Variants in SYNE1 observed in about 807,000 individuals in gnomAD.
SYNE1 encodes the protein spectrin repeat containing nuclear envelope protein 1.
Under a neutral mutation model 1,111.0 loss-of-function variants are expected in SYNE1, and 616 were observed. The observed-to-expected ratio is 0.55, with a 90% CI of 0.52 to 0.59. SYNE1 has a LOEUF of 0.59. Among genes scored for constraint, SYNE1 ranks in the 20% least tolerant of loss-of-function variants. SYNE1 has a pLI of 0.00. For synonymous variants in SYNE1, 3,855 were observed against 3,825.8 expected (o/e 1.01, Z -0.28); for missense variants, 10,006 against 10,417.0 (o/e 0.96, Z 1.72).
intron 120 of SYNE1, 96 bp downstream of exon 120, chr6:152,218,907 G>T (rs533724474): frequency 1.6e-6 from 2 of 1,264,602 alleles, no homozygotes; most frequent in African/African-American, 1.5e-5. Flanking sequence ...CTTGAAGGAG[G>T]CATTGTTGCC....
intron 86 of SYNE1, among the ~76,000 whole-genome samples, chr6:152,317,714 G>T (rs1398679228): frequency 6.6e-6 from 1 of 152,066 alleles, no homozygotes. Context: ...TTAAGTCAAC[G>T]TAAGCTGATA....
At chr6:152,176,283 T>C in intron 130 of SYNE1, 111 bp downstream of exon 130, 2 of 1,477,738 alleles carry the variant, frequency 1.4e-6, no homozygotes, top group Non-Finnish European at 9.4e-7. Flanking sequence ...AATGGTGAGA[T>C]AACCCAGGAA....
chr6:152,424,904 A>T (rs1474415765), intron 39 of SYNE1, among the ~76,000 whole-genome samples: 2 of 152,340 alleles, frequency 1.3e-5, no homozygotes, highest in East Asian at 3.9e-4. Flanking sequence ...TATAGATGCC[A>T]ATTGTTAATC....
chr6:152,165,018 T>C (rs930433131), intron 130 of SYNE1, among the ~76,000 whole-genome samples: 18 of 152,172 alleles, frequency 1.2e-4, no homozygotes, highest in African/African-American at 4.3e-4. Context: ...GGATCTGCAA[T>C]AGAATGTTCT....
At chr6:152,212,187 A>G (rs1291350433) in intron 123 of SYNE1, among the ~76,000 whole-genome samples, 1 of 152,150 alleles carries the variant, frequency 6.6e-6, no homozygotes, top group Non-Finnish European at 1.5e-5. Context: ...GGTGTTTATT[A>G]TATTTACAGA....
intron 42 of SYNE1, among the ~76,000 whole-genome samples, chr6:152,410,603 C>T (rs982396225): frequency 3.3e-5 from 5 of 152,036 alleles, no homozygotes; most frequent in African/African-American, 1.2e-4. Context: ...GGCTTGGTGG[C>T]GCATGCCTGT....
chr6:152,369,976 C>T (rs1316205306), intron 59 of SYNE1, among the ~76,000 whole-genome samples: 1 of 69,816 alleles, frequency 1.4e-5, no homozygotes, highest in Admixed American at 2.3e-4. Flanking sequence ...GAGGGTGACT[C>T]TGTCTCAAAA....
intron 36 of SYNE1, 65 bp downstream of exon 36, chr6:152,430,047 T>C: frequency 8.6e-7 from 1 of 1,162,712 alleles, no homozygotes; most frequent in Non-Finnish European, 1.3e-6. Context: ...CTGTATTTTC[T>C]TTTCAAGTGG....
In SYNE1 at chr6:152,596,098, TAAAAAAAAAAAAA is replaced by T. The variant is rs71017542; in HGVS notation, c.67+32154_67+32166del. Reference sequence around the variant, plus strand: ...AGTGTGCCTGGCAAAAAGGGCAATCTAAAAAAAAAAAAAAAAAAAAAAAAAAAAAGCCTCTTGT... The same window carrying T: ...AGTGTGCCTGGCAAAAAGGGCAATCTAAAAAAAAAAAAAAAAGCCTCTTGT... On this transcript the variant is annotated intron_variant, in intron 3 of 145. Transcript: ENST00000367255. Among the ~76,000 whole-genome samples the T allele has an allele frequency of 1.5e-3, 27 of 18,584 alleles. 1 individual carries two copies. The East Asian group carries it at 0.037, about 25-fold the overall frequency. 12.2% of individuals were successfully genotyped at this position (18,584 alleles called of 152,430 possible).
intron 45 of SYNE1, among the ~76,000 whole-genome samples, chr6:152,406,509 T>G (rs1338099572): frequency 2.6e-5 from 4 of 151,784 alleles, no homozygotes; most frequent in Non-Finnish European, 4.4e-5. Context: ...CTTTTATTCA[T>G]AACCTGTTCA....
chr6:152,519,581 C>T (rs1216405089), intron 6 of SYNE1, among the ~76,000 whole-genome samples: 1 of 152,080 alleles, frequency 6.6e-6, no homozygotes, highest in Non-Finnish European at 1.5e-5. Flanking sequence ...TGGGGGAGGA[C>T]ATCTTTTTCT....
chr6:152,370,670 GTTATTTATGTT>G (rs925859871), intron 59 of SYNE1, among the ~76,000 whole-genome samples: 2 of 152,140 alleles, frequency 1.3e-5, no homozygotes, highest in African/African-American at 4.8e-5. Context: ...ATGTGAATTT[GTTATTTATGTT>G]ACCCTGTGAG....
chr6:152,133,895 G>GAA lies in SYNE1; in HGVS notation c.25789-409_25789-408dup, dbSNP rs34524875. 5.9e-3 allele frequency: 973 copies of GAA among 165,700 alleles called. 15 individuals are homozygous for GAA. Among genetic ancestry groups the GAA allele is most frequent in the African/African-American group, 0.022 (872 of 40,210 alleles). 10.3% of individuals were successfully genotyped at this position (165,700 alleles called of 1,614,324 possible). A position where few individuals can be genotyped will look rare whatever the true frequency, so the allele number is the denominator to read the frequency against. ...ATCCTCTGATATCTAGTCAAGATTTGAAAAAAAAAAGGGGTGATTCGTCAT... is the reference window on the plus strand; with the variant it reads ...ATCCTCTGATATCTAGTCAAGATTTGAAAAAAAAAAAAGGGGTGATTCGTCAT... On this transcript the variant is annotated intron_variant, in intron 142 of 145. Transcript: ENST00000367255.
rs748901534 is a variant in SYNE1, at chr6:152,208,180, A to T, written c.22616T>A (p.Leu7539His). The T allele has an allele frequency of 6.2e-7, 1 of 1,614,018 alleles. No individual in the cohort carries two copies. Among genetic ancestry groups the T allele is most frequent in the Non-Finnish European group, 8.5e-7 (1 of 1,179,998 alleles). The part of the protein sequence containing the change: ...DRDEFNLKLT[L>H]LSNQWQGVIR... Reference sequence around the variant, plus strand: ...CACTCCCTGCCATTGATTACTGAGGAGTGTCAATTTCAGGTTGAATTCATC... The same window carrying T: ...CACTCCCTGCCATTGATTACTGAGGTGTGTCAATTTCAGGTTGAATTCATC... The change falls in exon 125 of 146, where the codon CTC becomes CAC. Residue 7539 changes from leucine (L) to histidine (H), a missense_variant. Physicochemically the swap from Leu to His is moderately conservative, Grantham distance 99 (BLOSUM62 -3). Around this residue, in one of 7 missense-constraint regions of SYNE1, gnomAD observed 2,182 missense variants for 2,287.8 expected, o/e 0.95. Coordinates refer to ENST00000367255, the MANE Select transcript of SYNE1 (RefSeq NM_182961.4).
At chr6:152,359,656 T>G (rs1377774705) in intron 64 of SYNE1, among the ~76,000 whole-genome samples, 198 bp from the exon 65 acceptor site, 1 of 138,202 alleles carries the variant, frequency 7.2e-6, no homozygotes, top group African/African-American at 2.9e-5. Context: ...GTGTGTGTAT[T>G]TTATGTCTGG....
chr6:152,184,973 A>T (rs997861282), intron 128 of SYNE1, among the ~76,000 whole-genome samples: 9 of 152,230 alleles, frequency 5.9e-5, no homozygotes, highest in Non-Finnish European at 1.0e-4. Flanking sequence ...GCACAAATAC[A>T]TTGCATTGCC....
chr6:152,387,937 T>G (rs1327375364), intron 53 of SYNE1, among the ~76,000 whole-genome samples: 1 of 152,124 alleles, frequency 6.6e-6, no homozygotes, highest in African/African-American at 2.4e-5. Flanking sequence ...GCTCAAGTAT[T>G]TATAAGAAAA....
At chr6:152,391,757 G>T (rs2097644577) in intron 51 of SYNE1, among the ~76,000 whole-genome samples, 189 bp from the exon 52 acceptor site, 2 of 152,036 alleles carry the variant, frequency 1.3e-5, no homozygotes, top group South Asian at 4.1e-4. Flanking sequence ...TCCTAATGTT[G>T]TCAGTACCTA....
At position 152,615,419 on chromosome 6, in the gene SYNE1, C is replaced by A. The variant is rs945498872; in HGVS notation, c.67+12846G>T. Among the ~76,000 whole-genome samples, 18 of 96,430 alleles carry A rather than the reference C, an allele frequency of 1.9e-4. 3 individuals carry two copies. Among genetic ancestry groups the A allele is most frequent in the Admixed American group, 1.3e-3 (13 of 9,654 alleles). The allele number at this position is 96,430 out of a possible 152,430, so 63.3% of individuals were successfully genotyped here. On this transcript the variant is annotated intron_variant, in intron 3 of 145. Transcript: ENST00000367255. ...AGATGACTCCAAGACTCAATGTTGTCTTGAAACTATTTTTTTTTAAAGCAC... is the reference window on the plus strand; with the variant it reads ...AGATGACTCCAAGACTCAATGTTGTATTGAAACTATTTTTTTTTAAAGCAC...
Sources: allele counts gnomAD v4.1 joint callset (sites outside exome capture counted in the v4.1 genomes callset), GRCh38; gene constraint gnomAD v4.1.1; regional missense constraint gnomAD v4.1.1; transcripts MANE v1.5; gene names NCBI Gene and HGNC (gene_info 2026-07-23, HGNC 2026-07-21).